The following SNX29 variants were observed in gnomAD, a reference collection of about 807,000 sequenced individuals.
SNX29 encodes the protein sorting nexin-29.
A neutral mutation model predicts 102.1 loss-of-function variants in SNX29; 78 were observed. The observed-to-expected ratio is 0.76, with a 90% confidence interval of 0.64 to 0.92. SNX29 has a LOEUF of 0.92. Among genes scored for constraint, SNX29 ranks in the 40% least tolerant of loss-of-function variants. SNX29 has a pLI of 0.00. For synonymous variants in SNX29, 580 were observed against 414.5 expected (o/e 1.40, Z -4.85); for missense variants, 1,280 against 1,061.7 (o/e 1.21, Z -2.86).
chr16:12,144,792 G>A (rs2054995806), intron 13 of SNX29, among the ~76,000 whole-genome samples: 1 of 152,206 alleles, frequency 6.6e-6, no homozygotes, highest in South Asian at 2.1e-4. Context: ...CGCGATCTCT[G>A]CTCGCTGGAA....
intron 18 of SNX29, among the ~76,000 whole-genome samples, chr16:12,433,465 T>A (rs936705899): frequency 2.0e-5 from 3 of 151,956 alleles, no homozygotes; most frequent in Non-Finnish European, 2.9e-5. Flanking sequence ...ACCCCGTCTC[T>A]ACTAAAAATA....
At chr16:12,470,700 C>A (rs915937436) in intron 18 of SNX29, among the ~76,000 whole-genome samples, 2 of 152,196 alleles carry the variant, frequency 1.3e-5, no homozygotes, top group Non-Finnish European at 2.9e-5. Flanking sequence ...TTGTGTTTCC[C>A]CGCCTGCCTA....
chr16:12,207,550 G>A (rs938724352), intron 14 of SNX29, among the ~76,000 whole-genome samples: 2 of 151,942 alleles, frequency 1.3e-5, no homozygotes, highest in Admixed American at 6.6e-5. Flanking sequence ...GCAGTGTCTC[G>A]CTCTCACTGC....
intron 5 of SNX29, among the ~76,000 whole-genome samples, chr16:12,045,025 A>G (rs1407462390): frequency 1.3e-5 from 2 of 152,184 alleles, no homozygotes; most frequent in East Asian, 3.8e-4. Flanking sequence ...AGTTGACCTT[A>G]CCTGGATCAC....
At chr16:12,360,362 C>T (rs1034686315) in intron 16 of SNX29, among the ~76,000 whole-genome samples, 6 of 152,114 alleles carry the variant, frequency 3.9e-5, no homozygotes, top group African/African-American at 1.4e-4. Context: ...ACACTTGGCT[C>T]CTTGAACTGT....
chr16:12,039,978 T>C (rs967441533), intron 4 of SNX29, among the ~76,000 whole-genome samples: 1 of 152,232 alleles, frequency 6.6e-6, no homozygotes, highest in Non-Finnish European at 1.5e-5. Flanking sequence ...GCTGCTGTTA[T>C]TATTACTGCC....
At chr16:12,019,174 A>G (rs1440194598) in intron 3 of SNX29, among the ~76,000 whole-genome samples, 1 of 152,192 alleles carries the variant, frequency 6.6e-6, no homozygotes, top group Non-Finnish European at 1.5e-5. Context: ...AGTTAGGTTC[A>G]GAAAAGTATG....
At chr16:12,302,301 G>A (rs981405550) in intron 15 of SNX29, among the ~76,000 whole-genome samples, 2 of 152,196 alleles carry the variant, frequency 1.3e-5, no homozygotes, top group African/African-American at 4.8e-5. Context: ...AGTTTCTACA[G>A]TTACAGCAGG....
chr16:12,403,469 C>T lies in SNX29; in HGVS notation c.1977C>T (p.Asn659=), dbSNP rs367875213. 1.2e-4 allele frequency: 188 copies of T among 1,608,870 alleles called. No individual in the cohort carries two copies. The highest frequency in any genetic ancestry group is 3.7e-4 in the South Asian group (33 of 89,516). The change falls in exon 18 of 21, where the codon AAC becomes AAT. Residue 659 remains asparagine, a synonymous_variant. Coordinates refer to ENST00000566228, the MANE Select transcript of SNX29 (RefSeq NM_032167.5). ...DFEISNRALI[N]VWIPSVFLRG... ...TTAGATCAAACCGGGCGCTGATCAA[C>T]GTCTGGATCCCCTCAGTGTTTCTCC...
chr16:12,088,670 G>C (rs1229484139), intron 11 of SNX29, among the ~76,000 whole-genome samples: 2 of 152,200 alleles, frequency 1.3e-5, no homozygotes, highest in African/African-American at 4.8e-5. Flanking sequence ...TTTATGGCCG[G>C]GGCAGTGGCG....
At chr16:12,071,731 G>T (rs1205859826) in intron 10 of SNX29, among the ~76,000 whole-genome samples, 2 of 152,132 alleles carry the variant, frequency 1.3e-5, no homozygotes. Context: ...GCTTGATGGG[G>T]ATGGCATTGA....
intron 14 of SNX29, among the ~76,000 whole-genome samples, chr16:12,212,517 C>T (rs565540863): frequency 1.3e-5 from 2 of 152,232 alleles, no homozygotes; most frequent in Admixed American, 1.3e-4. Flanking sequence ...CAATCCCAGC[C>T]CTGTCATTTA....
chr16:11,992,603 C>G (rs1220030748), intron 1 of SNX29, among the ~76,000 whole-genome samples: 1 of 152,046 alleles, frequency 6.6e-6, no homozygotes, highest in Non-Finnish European at 1.5e-5. Flanking sequence ...TTGCCCTGGT[C>G]CCCACCAGGA....
chr16:12,012,271 G>A (rs559649666), intron 3 of SNX29, among the ~76,000 whole-genome samples: 2 of 152,206 alleles, frequency 1.3e-5, no homozygotes, highest in South Asian at 4.1e-4. Flanking sequence ...ATGTGAAAGT[G>A]CAGGGATGTG....
chr16:12,292,694 A>G (rs561193165), intron 15 of SNX29, among the ~76,000 whole-genome samples: 1 of 152,312 alleles, frequency 6.6e-6, no homozygotes, highest in African/African-American at 2.4e-5. Context: ...GTGCCCCGCC[A>G]TTTTAGAAAC....
chr16:12,564,380 A>T (rs1437691086), intron 20 of SNX29, among the ~76,000 whole-genome samples: 2 of 148,532 alleles, frequency 1.3e-5, no homozygotes, highest in African/African-American at 5.1e-5. Context: ...TCTAATCACC[A>T]CCAACTGCAT....
chr16:12,541,310 C>T (rs114557603), intron 20 of SNX29, among the ~76,000 whole-genome samples: 4 of 152,148 alleles, frequency 2.6e-5, no homozygotes, highest in Non-Finnish European at 4.4e-5. Context: ...ATGGTCAGCC[C>T]TGATGGAGGA....
chr16:12,121,736 C>T (rs1331152967), intron 11 of SNX29, among the ~76,000 whole-genome samples: 1 of 152,204 alleles, frequency 6.6e-6, no homozygotes, highest in African/African-American at 2.4e-5. Context: ...ACAGAGGAGC[C>T]TCCAGCCAGG....
chr16:12,335,982 A>G (rs1045296050), intron 15 of SNX29, among the ~76,000 whole-genome samples: 1 of 152,124 alleles, frequency 6.6e-6, no homozygotes, highest in Non-Finnish European at 1.5e-5. Flanking sequence ...GTCAAGGCAC[A>G]TCCGGGAAGA....
Sources: allele counts gnomAD v4.1 joint callset (sites outside exome capture counted in the v4.1 genomes callset), GRCh38; gene constraint gnomAD v4.1.1; transcripts MANE v1.5; gene names NCBI Gene and HGNC (gene_info 2026-07-23, HGNC 2026-07-21).